Variants in DENND2A observed in about 807,000 individuals in gnomAD.
DENND2A encodes DENN domain containing 2A, also known as DENN domain-containing protein 2A.
DENND2A carries 53 observed loss-of-function variants against 105.3 expected under a neutral mutation model. The ratio of observed to expected loss-of-function variants is 0.50; its 90% CI spans 0.40 to 0.63. DENND2A has a LOEUF of 0.63. DENND2A is among the 30% of genes least tolerant of loss of function. DENND2A has a pLI of 0.00. For synonymous variants in DENND2A, 522 were observed against 508.4 expected (o/e 1.03, Z -0.36); for missense variants, 1,138 against 1,279.6 (o/e 0.89, Z 1.69).
intron 3 of DENND2A, among the ~76,000 whole-genome samples, chr7:140,601,099 C>T (rs566397452): frequency 2.6e-5 from 4 of 152,308 alleles, no homozygotes; most frequent in African/African-American, 7.2e-5. Flanking sequence ...CCAGGGTTAA[C>T]ATAAGTCCTT....
At chr7:140,572,881 G>A (rs1798153694) in intron 6 of DENND2A, among the ~76,000 whole-genome samples, 1 of 152,028 alleles carries the variant, frequency 6.6e-6, no homozygotes, top group Admixed American at 6.6e-5. Flanking sequence ...TGCACAAAGG[G>A]CGCTCTGACC....
chr7:140,541,218 G>A (rs1796644847), intron 14 of DENND2A, among the ~76,000 whole-genome samples: 1 of 152,030 alleles, frequency 6.6e-6, no homozygotes, highest in African/African-American at 2.4e-5. Context: ...TGAGACTGGT[G>A]TCTCACTGTA....
chr7:140,620,728 C>T (rs1468311039), intron 1 of DENND2A, among the ~76,000 whole-genome samples: 1 of 152,122 alleles, frequency 6.6e-6, no homozygotes, highest in Non-Finnish European at 1.5e-5. Flanking sequence ...TTTTGCTTTG[C>T]CATCATATCT....
chr7:140,600,788 A>C (rs1585730153), intron 3 of DENND2A, among the ~76,000 whole-genome samples: 1 of 152,228 alleles, frequency 6.6e-6, no homozygotes, highest in Non-Finnish European at 1.5e-5. Flanking sequence ...TATCAAACCA[A>C]CTAGCATGTT....
chr7:140,578,804 G>T (rs575710943), intron 5 of DENND2A, among the ~76,000 whole-genome samples: 1 of 152,344 alleles, frequency 6.6e-6, no homozygotes, highest in South Asian at 2.1e-4. Flanking sequence ...AACCCAGGAG[G>T]CAGAGGTTGC....
intron 15 of DENND2A, 82 bp from the exon 16 acceptor site, chr7:140,525,874 G>T: frequency 8.1e-7 from 1 of 1,239,232 alleles, no homozygotes; most frequent in Non-Finnish European, 1.1e-6. Context: ...TTCCTTCTTG[G>T]CATGCAGAGA....
At chr7:140,623,198 C>T (rs1018106923) in intron 1 of DENND2A, among the ~76,000 whole-genome samples, 1 of 151,106 alleles carries the variant, frequency 6.6e-6, no homozygotes, top group Non-Finnish European at 1.5e-5. Flanking sequence ...GCCTACAATC[C>T]CAGCTACTTG....
intron 1 of DENND2A, among the ~76,000 whole-genome samples, chr7:140,628,743 T>C (rs1460396015): frequency 1.3e-5 from 2 of 152,002 alleles, no homozygotes; most frequent in Admixed American, 6.6e-5. Context: ...GGTTTCACCA[T>C]GTTGGTCAGG....
At chr7:140,579,597 T>G (rs1798451336) in intron 5 of DENND2A, among the ~76,000 whole-genome samples, 1 of 151,992 alleles carries the variant, frequency 6.6e-6, no homozygotes, top group African/African-American at 2.4e-5. Flanking sequence ...TTTGCCATGT[T>G]TGCCAGGCTG....
intron 1 of DENND2A, among the ~76,000 whole-genome samples, chr7:140,616,294 G>A (rs1011772399): frequency 2.6e-5 from 4 of 152,118 alleles, no homozygotes; most frequent in African/African-American, 9.7e-5. Flanking sequence ...CCCAGGAGGT[G>A]GAGGTGGCAG....
chr7:140,588,371 G>A (rs908002911), intron 3 of DENND2A, among the ~76,000 whole-genome samples: 3 of 152,068 alleles, frequency 2.0e-5, no homozygotes, highest in African/African-American at 2.4e-5. Context: ...ATAGAAAAGG[G>A]GGCCGGGAGC....
At chr7:140,534,131 C>A (rs2363831) in intron 14 of DENND2A, among the ~76,000 whole-genome samples, 19,308 of 132,884 alleles carry the variant, frequency 0.15, 1,388 homozygotes, top group Admixed American at 0.2. Context: ...GGCACCCAGG[C>A]TGGAGTGCAA....
chr7:140,584,316 C>T (rs1199615609), intron 5 of DENND2A, among the ~76,000 whole-genome samples: 1 of 152,206 alleles, frequency 6.6e-6, no homozygotes, highest in Non-Finnish European at 1.5e-5. Flanking sequence ...TACGCATTGT[C>T]TATGACTGCC....
intron 5 of DENND2A, among the ~76,000 whole-genome samples, chr7:140,577,983 T>C (rs555734763): frequency 6.6e-6 from 1 of 152,246 alleles, no homozygotes; most frequent in South Asian, 2.1e-4. Context: ...TCAGAGGACC[T>C]TACACCAACA....
intron 14 of DENND2A, among the ~76,000 whole-genome samples, chr7:140,541,730 C>T (rs1796667272): frequency 6.6e-6 from 1 of 152,206 alleles, no homozygotes; most frequent in South Asian, 2.1e-4. Flanking sequence ...GCAAGGCTTA[C>T]AGAGAGGGCC....
chr7:140,598,396 T>C (rs1015683093), intron 3 of DENND2A, among the ~76,000 whole-genome samples: 63 of 152,232 alleles, frequency 4.1e-4, no homozygotes, highest in African/African-American at 1.5e-3. Flanking sequence ...CCATTAAAGT[T>C]AGGGGCGAAG....
chr7:140,574,118 T>C (rs1798205853), intron 5 of DENND2A, 110 bp from the exon 6 acceptor site: 5 of 1,263,602 alleles, frequency 4.0e-6, no homozygotes, highest in Non-Finnish European at 4.5e-6. Context: ...GGAACTGGTC[T>C]ATGTTCCCAG....
rs745642049 is a variant in DENND2A, at chr7:140,601,623, T to C, written c.775A>G (p.Thr259Ala). 2.5e-6 allele frequency: 4 copies of C among 1,613,464 alleles called. No homozygotes were observed. The highest frequency in any genetic ancestry group is 2.2e-5 in the South Asian group (2 of 91,014). Reference sequence around the variant, plus strand: ...GGCAGAGGGTTGATGAAGGGCTTTGTGGGGGAACCCTCCGAGCCCCTATAC... The same window carrying C: ...GGCAGAGGGTTGATGAAGGGCTTTGCGGGGGAACCCTCCGAGCCCCTATAC... ...NVYRGSEGSP[T>A]KPFINPLPKP... The change falls in exon 3 of 20, where the codon ACA (threonine) becomes GCA (alanine). Residue 259 changes from threonine to alanine, a missense_variant. Physicochemically the swap from Thr to Ala is moderately conservative, Grantham distance 58. This residue lies in a region of DENND2A where 511 missense variants were observed against 499.9 expected (regional missense o/e 1.02). Coordinates refer to ENST00000496613, the MANE Select transcript of DENND2A (RefSeq NM_015689.5).
At chr7:140,595,149 G>T (rs1443490008) in intron 3 of DENND2A, among the ~76,000 whole-genome samples, 3 of 151,690 alleles carry the variant, frequency 2.0e-5, no homozygotes, top group African/African-American at 7.3e-5. Context: ...TGGAATTGCA[G>T]GTGTGTGCCA....
Sources: gnomAD v4.1 joint callset for allele counts (sites outside exome capture counted in the v4.1 genomes callset) on GRCh38, gnomAD v4.1.1 for gene constraint, gnomAD v4.1.1 regional missense constraint, MANE v1.5 for transcripts, NCBI Gene and HGNC (gene_info 2026-07-23, HGNC 2026-07-21) for gene names.